The following PCDHA2 variants were observed in gnomAD, a reference collection of about 807,000 sequenced individuals.
PCDHA2 encodes the protein protocadherin alpha-2.
Under a neutral mutation model 66.0 loss-of-function variants are expected in PCDHA2, and 58 were observed. That is an observed-to-expected ratio of 0.88 (90% CI 0.71 to 1.09). PCDHA2 has a LOEUF of 1.09. Among genes scored for constraint, PCDHA2 ranks in the 50% least tolerant of loss-of-function variants. The probability of loss-of-function intolerance (pLI) is 0.00; values close to 1 mark genes in which losing one functional copy is unlikely to be tolerated. For synonymous variants in PCDHA2, 634 were observed against 554.0 expected, an observed-to-expected ratio of 1.14 and a Z score of -2.03; for missense variants, 1,267 against 1,242.3, an observed-to-expected ratio of 1.02 and a Z score of -0.30.
chr5:140,841,820 GT>G (rs2150323567), intron 1 of PCDHA2: 1 of 1,613,910 alleles, frequency 6.2e-7, no homozygotes, highest in Non-Finnish European at 8.5e-7. Context: ...AGCTAACTCC[GT>G]GTTAACCTAC....
chr5:140,867,568 T>C (rs2050045240), intron 1 of PCDHA2: 1 of 152,150 alleles, frequency 6.6e-6, no homozygotes, highest in Non-Finnish European at 1.5e-5. Context: ...AACTTTTTCA[T>C]ATGCCCTTGC....
intron 1 of PCDHA2, chr5:140,871,169 A>AG: frequency 6.2e-7 from 1 of 1,613,520 alleles, no homozygotes; most frequent in Non-Finnish European, 8.5e-7. Flanking sequence ...GCGAGCCCAG[A>AG]GGCTGCGCTG....
chr5:140,797,652 A>C (rs1562168275), intron 1 of PCDHA2, among the ~76,000 whole-genome samples: 1 of 152,232 alleles, frequency 6.6e-6, no homozygotes, highest in African/African-American at 2.4e-5. Flanking sequence ...TTTCCCATAA[A>C]TATTTTCTCT....
At chr5:140,828,306 A>G (rs1554131180) in intron 1 of PCDHA2, 3 of 1,613,930 alleles carry the variant, frequency 1.9e-6, no homozygotes, top group Non-Finnish European at 2.5e-6. Context: ...AAAGACCGCG[A>G]GGACCTTCTG....
At chr5:140,845,629 A>G (rs1437329229) in intron 1 of PCDHA2, among the ~76,000 whole-genome samples, 1 of 149,600 alleles carries the variant, frequency 6.7e-6, no homozygotes, top group East Asian at 1.9e-4. Flanking sequence ...GAAGCTCTCT[A>G]AATCAAGTCC....
At chr5:140,869,258 TG>T in intron 1 of PCDHA2, 1 of 1,613,558 alleles carries the variant, frequency 6.2e-7, no homozygotes, top group Non-Finnish European at 8.5e-7. Context: ...GCGCAGGACC[TG>T]GGGCTGGAGC....
intron 1 of PCDHA2, among the ~76,000 whole-genome samples, chr5:140,941,369 T>C (rs2093052615): frequency 6.8e-6 from 1 of 147,356 alleles, no homozygotes; most frequent in Non-Finnish European, 1.5e-5. Context: ...TAGGCTGGAG[T>C]GTAGTGACAG....
chr5:140,805,092 C>T, intron 1 of PCDHA2: 1 of 1,592,708 alleles, frequency 6.3e-7, no homozygotes, highest in East Asian at 2.2e-5. Context: ...TCCAGCTTGC[C>T]TCTTGAAACT....
rs181578390 is a variant in PCDHA2, at chr5:140,923,666, G to A, written c.2389-55283G>A. Among the ~76,000 whole-genome samples, 434 of 152,230 alleles carry A rather than the reference G, an allele frequency of 2.9e-3. 2 individuals are homozygous for A. Among genetic ancestry groups the A allele is most frequent in the Middle Eastern group, 0.014 (4 of 294 alleles). On this transcript the variant is annotated intron_variant, in intron 1 of 3. Coordinates refer to ENST00000526136, the MANE Select transcript of PCDHA2 (RefSeq NM_018905.3). ...TAGCCTCCCTTATCTTTGGGATATC[G>A]TTCTCTCTTAAATGTTGCTTTCTCA...
chr5:140,807,707 C>T (rs1562211808), intron 1 of PCDHA2: 1 of 1,614,116 alleles, frequency 6.2e-7, no homozygotes, highest in Non-Finnish European at 8.5e-7. Context: ...CAGACTGAGC[C>T]CAAATGAATA....
intron 1 of PCDHA2, chr5:140,926,648 G>A (rs1319870606): frequency 2.5e-5 from 12 of 475,704 alleles, no homozygotes; most frequent in Non-Finnish European, 3.5e-6. Context: ...CACCCGGCCG[G>A]CTCCGCTTTC....
At chr5:140,913,447 CG>C (rs2076342854) in intron 1 of PCDHA2, among the ~76,000 whole-genome samples, 1 of 152,026 alleles carries the variant, frequency 6.6e-6, no homozygotes, top group Non-Finnish European at 1.5e-5. Context: ...TTTTCAGCTC[CG>C]ATTTTATTTA....
Position 141,010,180 on chromosome 5 carries a change from AC to A in PCDHA2, c.*246del. The stretch of plus-strand genomic sequence containing the variant: ...CTTGTTTTCAGAACCTAAAAAGCAG[AC>A]CCAAGTTTCCTTTCTCCTCCGCCGC... On this transcript the variant is annotated 3_prime_UTR_variant, in exon 4 of 4. Coordinates refer to ENST00000526136, the MANE Select transcript of PCDHA2 (RefSeq NM_018905.3). 2 of 1,554,710 alleles carry A rather than the reference AC, an allele frequency of 1.3e-6. No individual in the cohort carries two copies. The highest frequency in any genetic ancestry group is 1.7e-6 in the Non-Finnish European group (2 of 1,148,310).
intron 1 of PCDHA2, among the ~76,000 whole-genome samples, chr5:140,819,596 C>T (rs1208093967): frequency 6.6e-6 from 1 of 152,000 alleles, no homozygotes; most frequent in Non-Finnish European, 1.5e-5. Flanking sequence ...TGTTCTTTTC[C>T]TGTGGAGTCT....
chr5:140,883,065 C>G, intron 1 of PCDHA2: 1 of 1,614,056 alleles, frequency 6.2e-7, no homozygotes, highest in Non-Finnish European at 8.5e-7. Context: ...AAGCTAAATG[C>G]CACAGATCCT....
At chr5:140,949,264 G>T (rs139292588) in intron 1 of PCDHA2, among the ~76,000 whole-genome samples, 2 of 151,666 alleles carry the variant, frequency 1.3e-5, no homozygotes, top group African/African-American at 2.4e-5. Flanking sequence ...AACATATCAC[G>T]TGCACTTGAA....
At position 140,796,559 on chromosome 5, in the gene PCDHA2, A is replaced by C; in HGVS notation, c.1595A>C (p.Gln532Pro). ...GACCACGAGGAAGTGGAGCTGCTGC[A>C]GTTCCAGGTGAGCGCGCGGGATGCG... ...PLDHEEVELLQFQVSARDAGV... is the reference protein window; with the variant it reads ...PLDHEEVELLPFQVSARDAGV... Residue 532 changes from glutamine to proline, a missense_variant, in exon 1 of 4, where the codon CAG (glutamine) becomes CCG (proline). Coordinates refer to ENST00000526136, the MANE Select transcript of PCDHA2 (RefSeq NM_018905.3). 1.2e-6 allele frequency: 2 copies of C among 1,613,286 alleles called. No homozygotes were observed. The highest frequency in any genetic ancestry group is 1.7e-6 in the Non-Finnish European group (2 of 1,179,872).
chr5:140,823,931 C>T, intron 1 of PCDHA2: 1 of 1,613,968 alleles, frequency 6.2e-7, no homozygotes, highest in South Asian at 1.1e-5. Flanking sequence ...CTGTACACCG[C>T]GCTGCGGTGC....
At chr5:140,877,990 T>C in intron 1 of PCDHA2, 1 of 1,127,766 alleles carries the variant, frequency 8.9e-7, no homozygotes. Flanking sequence ...TTTTGAACTT[T>C]TATGTATTTG....
Sources: gnomAD v4.1 joint callset for allele counts (sites outside exome capture counted in the v4.1 genomes callset) on GRCh38, gnomAD v4.1.1 for gene constraint, MANE v1.5 for transcripts, NCBI Gene and HGNC (gene_info 2026-07-23, HGNC 2026-07-21) for gene names.